ADGRL3: variants seen among roughly 807,000 people sequenced by gnomAD.
The protein encoded by ADGRL3 is adhesion G protein-coupled receptor L3.
A neutral mutation model predicts 153.5 loss-of-function variants in ADGRL3; 62 were observed. The observed-to-expected ratio is 0.40, with a 90% CI of 0.33 to 0.50. ADGRL3 has a LOEUF of 0.50. Ranked by LOEUF, ADGRL3 falls within the 20% of genes least tolerant of loss-of-function variation. The pLI, the probability that ADGRL3 is intolerant of heterozygous loss-of-function variation, is 0.47. For synonymous variants in ADGRL3, 710 were observed against 672.5 expected (o/e 1.06, Z -0.86); for missense variants, 1,641 against 1,859.4 (o/e 0.88, Z 2.16).
intron 1 of ADGRL3, among the ~76,000 whole-genome samples, chr4:61,333,803 A>C (rs1466418731): frequency 6.6e-6 from 1 of 152,040 alleles, no homozygotes; most frequent in African/African-American, 2.4e-5. Context: ...TTTTGTAAAG[A>C]GGGAGGCTCA....
intron 9 of ADGRL3, among the ~76,000 whole-genome samples, chr4:61,871,226 A>G (rs185845957): frequency 6.6e-6 from 1 of 151,796 alleles, no homozygotes; most frequent in Non-Finnish European, 1.5e-5. Flanking sequence ...TGCAGTGAGC[A>G]GAGATCGCAC....
chr4:61,886,293 A>T (rs1163558502), intron 9 of ADGRL3, among the ~76,000 whole-genome samples: 2 of 152,202 alleles, frequency 1.3e-5, no homozygotes, highest in African/African-American at 4.8e-5. Context: ...TACCCAGGGC[A>T]CTGCACAAGT....
chr4:61,742,972 C>T (rs945754726), intron 8 of ADGRL3, among the ~76,000 whole-genome samples: 3 of 151,424 alleles, frequency 2.0e-5, no homozygotes, highest in Non-Finnish European at 4.4e-5. Flanking sequence ...ATATAAAATG[C>T]CTTGTGACTG....
At chr4:61,213,344 A>T (rs566360626) in intron 1 of ADGRL3, among the ~76,000 whole-genome samples, 1 of 152,118 alleles carries the variant, frequency 6.6e-6, no homozygotes, top group African/African-American at 2.4e-5. Context: ...TCCTCCACAT[A>T]CATCATTTGT....
intron 5 of ADGRL3, among the ~76,000 whole-genome samples, chr4:61,589,164 G>A (rs189942746): frequency 7.2e-5 from 11 of 152,094 alleles, no homozygotes; most frequent in Non-Finnish European, 1.0e-4. Flanking sequence ...TTTAAGCACC[G>A]TTAGTAAATC....
chr4:62,050,874 G>A (rs1442216233), intron 25 of ADGRL3, among the ~76,000 whole-genome samples: 1 of 151,696 alleles, frequency 6.6e-6, no homozygotes, highest in Non-Finnish European at 1.5e-5. Context: ...TGTTAGCTAT[G>A]CAAGTTAACA....
intron 4 of ADGRL3, among the ~76,000 whole-genome samples, chr4:61,548,267 G>T (rs1268413652): frequency 6.6e-6 from 1 of 152,114 alleles, no homozygotes; most frequent in African/African-American, 2.4e-5. Flanking sequence ...TTGCTGTGCA[G>T]AAGCTCTTTA....
At chr4:61,254,087 T>G (rs1265156730) in intron 1 of ADGRL3, among the ~76,000 whole-genome samples, 1 of 152,168 alleles carries the variant, frequency 6.6e-6, no homozygotes. Flanking sequence ...GCTTGCTAAT[T>G]TGGGCTTTTT....
chr4:62,027,388 C>T (rs1033426989), intron 21 of ADGRL3, among the ~76,000 whole-genome samples: 3 of 151,988 alleles, frequency 2.0e-5, no homozygotes, highest in African/African-American at 7.2e-5. Flanking sequence ...ATGGCAGCTA[C>T]TATGTGAAGC....
chr4:61,672,368 G>T (rs573425318), intron 5 of ADGRL3, among the ~76,000 whole-genome samples: 6 of 152,012 alleles, frequency 3.9e-5, no homozygotes, highest in Middle Eastern at 3.4e-3. Flanking sequence ...CCATAAACAT[G>T]TGGATTAATT....
At chr4:62,010,646 G>A (rs1423354825) in intron 21 of ADGRL3, among the ~76,000 whole-genome samples, 1 of 151,964 alleles carries the variant, frequency 6.6e-6, no homozygotes, top group East Asian at 1.9e-4. Flanking sequence ...ATATTCTATT[G>A]TTAATATGCT....
intron 25 of ADGRL3, among the ~76,000 whole-genome samples, chr4:62,049,334 T>G (rs2151738574): frequency 6.6e-6 from 1 of 152,106 alleles, no homozygotes; most frequent in East Asian, 1.9e-4. Context: ...GGGTTTTTAT[T>G]TTTCCCTGAT....
intron 8 of ADGRL3, among the ~76,000 whole-genome samples, chr4:61,765,952 A>T (rs377550735): frequency 6.6e-6 from 1 of 152,138 alleles, no homozygotes; most frequent in Admixed American, 6.5e-5. Context: ...TGGAAAGGAA[A>T]TGAGAGGTTC....
intron 8 of ADGRL3, among the ~76,000 whole-genome samples, chr4:61,793,584 G>A (rs2097370904): frequency 6.6e-6 from 1 of 152,010 alleles, no homozygotes; most frequent in Admixed American, 6.5e-5. Flanking sequence ...TTTGGGTGGG[G>A]ACACAGCCAA....
intron 2 of ADGRL3, among the ~76,000 whole-genome samples, chr4:61,384,981 A>T (rs1294311291): frequency 6.6e-6 from 1 of 152,146 alleles, no homozygotes; most frequent in African/African-American, 2.4e-5. Flanking sequence ...GAAAGTAGAG[A>T]GCAGTGATAG....
At chr4:61,572,121 CT>C (rs1279980403) in intron 4 of ADGRL3, among the ~76,000 whole-genome samples, 1 of 151,922 alleles carries the variant, frequency 6.6e-6, no homozygotes, top group Non-Finnish European at 1.5e-5. Flanking sequence ...ATTCTTTTGG[CT>C]TTTTATAAAT....
At chr4:61,951,179 A>T (rs188347875) in intron 17 of ADGRL3, among the ~76,000 whole-genome samples, 201 of 152,330 alleles carry the variant, frequency 1.3e-3, no homozygotes, top group African/African-American at 4.7e-3. Context: ...ACATGTCTAA[A>T]TATTTACAAG....
At chr4:61,747,932 A>G (rs1420037333) in intron 8 of ADGRL3, among the ~76,000 whole-genome samples, 1 of 152,216 alleles carries the variant, frequency 6.6e-6, no homozygotes, top group African/African-American at 2.4e-5. Flanking sequence ...CTGTTTGCAG[A>G]TGACATGATT....
intron 2 of ADGRL3, among the ~76,000 whole-genome samples, chr4:61,412,965 C>T (rs2097104854): frequency 6.6e-6 from 1 of 152,132 alleles, no homozygotes; most frequent in Non-Finnish European, 1.5e-5. Context: ...TTCCTGGTTC[C>T]TCATATAATG....
Sources: gnomAD v4.1 joint callset for allele counts (sites outside exome capture counted in the v4.1 genomes callset) on GRCh38, gnomAD v4.1.1 for gene constraint, MANE v1.5 for transcripts, NCBI Gene and HGNC (gene_info 2026-07-23, HGNC 2026-07-21) for gene names.